The following NEBL variants were observed in gnomAD, a reference collection of about 807,000 sequenced individuals.
NEBL encodes nebulette, also known as LIM and SH3 protein 2.
A neutral mutation model predicts 140.2 loss-of-function variants in NEBL; 122 were observed. That is an observed-to-expected ratio of 0.87 (90% CI 0.75 to 1.01). NEBL has a LOEUF of 1.01. NEBL is among the 50% of genes least tolerant of loss of function. The probability of loss-of-function intolerance (pLI) is 0.00; values close to 1 mark genes in which losing one functional copy is unlikely to be tolerated. For synonymous variants in NEBL, 436 were observed against 398.9 expected, an observed-to-expected ratio of 1.09 and a Z score of -1.11; for missense variants, 1,365 against 1,231.3, an observed-to-expected ratio of 1.11 and a Z score of -1.62.
intron 3 of NEBL, among the ~76,000 whole-genome samples, chr10:21,210,146 C>T (rs1020461094): frequency 6.6e-6 from 1 of 152,156 alleles, no homozygotes; most frequent in South Asian, 2.1e-4. Flanking sequence ...AATCCCAGCA[C>T]TTTGGGAGGC....
At position 20,990,966 on chromosome 10, in the gene NEBL, CT is replaced by C. The variant is rs546997191; in HGVS notation, c.249+29150del. ...TACTCAGTCCACAAACCTGGGCACT[CT>C]ATTTTGCACGCTGTCCATCAATCAA... On this transcript the variant is annotated intron_variant, in intron 3 of 6. Coordinates refer to the NEBL transcript ENST00000417816. Among the ~76,000 whole-genome samples, 7 of 152,306 alleles carry C rather than the reference CT, an allele frequency of 4.6e-5. No individual in the cohort carries two copies. The East Asian group carries it at 1.4e-3, about 29-fold the overall frequency.
intron 2 of NEBL, among the ~76,000 whole-genome samples, chr10:21,040,773 G>C (rs537434931): frequency 6.6e-5 from 10 of 152,266 alleles, no homozygotes; most frequent in African/African-American, 2.4e-4. Flanking sequence ...GAGCTGATTG[G>C]ATCATGGGGG....
intron 2 of NEBL, among the ~76,000 whole-genome samples, chr10:21,104,586 T>C (rs1228376883): frequency 6.6e-6 from 1 of 152,232 alleles, no homozygotes; most frequent in Admixed American, 6.5e-5. Flanking sequence ...ATATACTGCA[T>C]TCTCACTAAA....
intron 3 of NEBL, among the ~76,000 whole-genome samples, chr10:20,971,186 T>A (rs992767322): frequency 6.6e-6 from 1 of 152,138 alleles, no homozygotes; most frequent in Non-Finnish European, 1.5e-5. Context: ...GAAATACCAT[T>A]GCCAAAATGG....
chr10:20,919,240 T>G (rs574243314), intron 4 of NEBL, among the ~76,000 whole-genome samples: 3 of 152,158 alleles, frequency 2.0e-5, no homozygotes, highest in East Asian at 1.9e-4. Flanking sequence ...TTTTAGAAAA[T>G]TATGCAACGT....
chr10:21,233,629 T>C (rs1842296070), intron 3 of NEBL, among the ~76,000 whole-genome samples: 3 of 145,286 alleles, frequency 2.1e-5, no homozygotes, highest in South Asian at 4.2e-4. Context: ...TATATATCTA[T>C]ATAGAGAGAC....
intron 2 of NEBL, among the ~76,000 whole-genome samples, chr10:21,063,423 C>T (rs752364987): frequency 1.3e-5 from 2 of 152,158 alleles, no homozygotes; most frequent in African/African-American, 2.4e-5. Flanking sequence ...GACTCACATT[C>T]GAACAGTTAG....
At chr10:20,869,426 T>C (rs548399578) in intron 6 of NEBL, among the ~76,000 whole-genome samples, 1 of 152,212 alleles carries the variant, frequency 6.6e-6, no homozygotes, top group East Asian at 1.9e-4. Flanking sequence ...AGGGGAGAGA[T>C]TATATGGGAC....
At chr10:21,051,308 T>C (rs1416136665) in intron 2 of NEBL, among the ~76,000 whole-genome samples, 1 of 152,160 alleles carries the variant, frequency 6.6e-6, no homozygotes, top group Non-Finnish European at 1.5e-5. Context: ...ATGCATAAAA[T>C]TAGAAATCAA....
chr10:21,025,919 A>G (rs1839009923), intron 2 of NEBL, among the ~76,000 whole-genome samples: 1 of 152,170 alleles, frequency 6.6e-6, no homozygotes, highest in Non-Finnish European at 1.5e-5. Context: ...TAATATTATT[A>G]TCACTATTAC....
chr10:20,926,382 T>C (rs1179541064), intron 4 of NEBL, among the ~76,000 whole-genome samples: 1 of 142,314 alleles, frequency 7.0e-6, no homozygotes, highest in Non-Finnish European at 1.5e-5. Flanking sequence ...AACAAACTTG[T>C]GATTTGATTA....
At chr10:21,083,330 T>C (rs559219626) in intron 2 of NEBL, among the ~76,000 whole-genome samples, 6 of 152,186 alleles carry the variant, frequency 3.9e-5, no homozygotes, top group South Asian at 4.1e-4. Context: ...TATTTGACTA[T>C]CCAGGAAGTT....
At chr10:20,978,013 G>A (rs1179905511) in intron 3 of NEBL, among the ~76,000 whole-genome samples, 5 of 152,192 alleles carry the variant, frequency 3.3e-5, no homozygotes, top group Non-Finnish European at 7.3e-5. Flanking sequence ...TTAAAATGTG[G>A]TATGAAACAC....
chr10:21,109,484 G>A (rs539946584), intron 2 of NEBL, among the ~76,000 whole-genome samples: 1 of 152,260 alleles, frequency 6.6e-6, no homozygotes, highest in East Asian at 1.9e-4. Flanking sequence ...TCTCTGCCAG[G>A]TTTTGGTGTC....
intron 2 of NEBL, among the ~76,000 whole-genome samples, chr10:21,062,468 C>G (rs2131882865): frequency 6.6e-6 from 1 of 150,942 alleles, no homozygotes; most frequent in Non-Finnish European, 1.5e-5. Context: ...TGAGATCAGC[C>G]TGGGCAACAT....
rs1364521073 is a variant in NEBL at position 20,782,624 on chromosome 10, T to C, written c.*3123A>G. On this transcript the variant is annotated 3_prime_UTR_variant, in exon 28 of 28. Transcript: ENST00000377122. ...GCTGGTCTAATCTTATCCATATTCC[T>C]ACAAGGTGCTTGTGGAAACTGTGCT... 1 of 152,224 alleles carries C rather than the reference T, an allele frequency of 6.6e-6. No individual in the cohort carries two copies. The highest frequency in any genetic ancestry group is 1.5e-5 in the Non-Finnish European group (1 of 68,062). The allele number at this position is 152,224 out of a possible 1,614,324, so 9.4% of individuals were successfully genotyped here.
chr10:20,791,829 T>TG (rs1341563224), intron 26 of NEBL, among the ~76,000 whole-genome samples: 2 of 152,028 alleles, frequency 1.3e-5, no homozygotes, highest in Non-Finnish European at 2.9e-5. Context: ...AGAAGTTCAC[T>TG]GGGGGGGATG....
At position 21,090,157 on chromosome 10, in the gene NEBL, G is replaced by A. The variant is rs573693244; in HGVS notation, c.165-69956C>T. Among the ~76,000 whole-genome samples, 23 of 152,238 alleles carry A rather than the reference G, an allele frequency of 1.5e-4. No homozygotes were observed. In the South Asian group the frequency reaches 2.9e-3, roughly 19 times the overall value. On this transcript the variant is annotated intron_variant, in intron 2 of 6. Coordinates refer to the NEBL transcript ENST00000417816. Reference sequence around the variant, plus strand: ...CCTGTCCGGTTAGGCCAAGAGCTACGGTCTTCCCAGTGAAGTGCTTGCAAA... The same window carrying A: ...CCTGTCCGGTTAGGCCAAGAGCTACAGTCTTCCCAGTGAAGTGCTTGCAAA...
At chr10:20,824,973 C>G (rs1839693281) in intron 18 of NEBL, among the ~76,000 whole-genome samples, 1 of 152,200 alleles carries the variant, frequency 6.6e-6, no homozygotes, top group African/African-American at 2.4e-5. Context: ...CAGGCTAACA[C>G]AGGCTCTCAC....
Sources: allele counts gnomAD v4.1 joint callset (sites outside exome capture counted in the v4.1 genomes callset), GRCh38; gene constraint gnomAD v4.1.1; transcripts MANE v1.5; gene names NCBI Gene and HGNC (gene_info 2026-07-23, HGNC 2026-07-21).